ATAD1: variants seen among roughly 807,000 people sequenced by gnomAD.
ATAD1 encodes the protein outer mitochondrial transmembrane helix translocase.
ATAD1 carries 18 observed loss-of-function variants against 42.7 expected under a neutral mutation model. The observed-to-expected ratio is 0.42, with a 90% CI of 0.29 to 0.63. ATAD1 has a LOEUF of 0.63. ATAD1 is among the 20% of genes least tolerant of loss of function. The pLI is 0.19. For missense variants in ATAD1, 294 were observed against 440.4 expected, an observed-to-expected ratio of 0.67 and a Z score of 2.98; for synonymous variants, 132 against 143.1, an observed-to-expected ratio of 0.92 and a Z score of 0.55.
At chr10:87,804,342 A>G (rs1244565316) in intron 2 of ATAD1, among the ~76,000 whole-genome samples, 2 of 152,122 alleles carry the variant, frequency 1.3e-5, no homozygotes, top group African/African-American at 4.8e-5. Flanking sequence ...GATGACTACT[A>G]AACCACAATT....
Position 87,753,723 on chromosome 10 carries a change from G to A in ATAD1, c.*964C>T, listed in dbSNP as rs1222766202. On this transcript the variant is annotated 3_prime_UTR_variant, in exon 10 of 10. Coordinates refer to ENST00000680024, the MANE Select transcript of ATAD1 (RefSeq NM_001321967.2). ...GTTTTAAACTATTATTTCATTTTTG[G>A]TGACCAAATTATATTTGACCATAAT... 1 of 152,312 alleles carries A rather than the reference G, an allele frequency of 6.6e-6. No homozygotes were observed. The highest frequency in any genetic ancestry group is 1.5e-5 in the Non-Finnish European group (1 of 67,944). 9.4% of individuals were successfully genotyped at this position (152,312 alleles called of 1,614,324 possible).
intron 5 of ATAD1, among the ~76,000 whole-genome samples, chr10:87,783,577 T>C (rs949210684): frequency 2.0e-5 from 3 of 151,656 alleles, no homozygotes; most frequent in African/African-American, 2.4e-5. Flanking sequence ...AATAATAAAA[T>C]ATAATTCAAA....
chr10:87,811,973 C>T (rs1031839486), intron 2 of ATAD1, among the ~76,000 whole-genome samples: 5 of 152,152 alleles, frequency 3.3e-5, no homozygotes, highest in South Asian at 2.1e-4. Context: ...ATCTTTGGTT[C>T]GTTTTTAAGA....
chr10:87,816,341 G>A (rs1311269816), intron 1 of ATAD1, among the ~76,000 whole-genome samples: 3 of 152,136 alleles, frequency 2.0e-5, no homozygotes, highest in Admixed American at 6.5e-5. Flanking sequence ...TCCACTAGGA[G>A]CCATTCACTT....
chr10:87,793,967 G>C (rs973015589), intron 2 of ATAD1, among the ~76,000 whole-genome samples: 1 of 152,172 alleles, frequency 6.6e-6, no homozygotes, highest in African/African-American at 2.4e-5. Context: ...CCAGGAATGG[G>C]GGCTCCCAGC....
intron 2 of ATAD1, among the ~76,000 whole-genome samples, chr10:87,804,854 A>C (rs1466036351): frequency 6.6e-6 from 1 of 152,180 alleles, no homozygotes; most frequent in Non-Finnish European, 1.5e-5. Context: ...TCCAAGCAGC[A>C]GTATGTGCCC....
At chr10:87,771,083 T>C in intron 6 of ATAD1, 42 bp from the exon 7 acceptor site, 1 of 1,467,158 alleles carries the variant, frequency 6.8e-7, no homozygotes, top group Non-Finnish European at 9.5e-7. Flanking sequence ...ATCTACCAAT[T>C]ATACTCCTCT....
chr10:87,796,049 G>C (rs1856371490), intron 2 of ATAD1, among the ~76,000 whole-genome samples: 1 of 152,084 alleles, frequency 6.6e-6, no homozygotes, highest in Non-Finnish European at 1.5e-5. Flanking sequence ...CAAGGATTCT[G>C]AGTATGTAAG....
At chr10:87,807,118 CTT>C (rs1225171949) in intron 2 of ATAD1, among the ~76,000 whole-genome samples, 7 of 152,078 alleles carry the variant, frequency 4.6e-5, no homozygotes, top group East Asian at 1.9e-4. Context: ...TTGTTTTTCT[CTT>C]GTTTATCTAT....
At chr10:87,833,056 C>T (rs1178715694) in intron 1 of ATAD1, 1 of 152,206 alleles carries the variant, frequency 6.6e-6, no homozygotes, top group East Asian at 1.9e-4. Context: ...GGCTCAAGCA[C>T]TTCTCCTCCC....
rs138390660 is a variant in ATAD1 at position 87,835,112 on chromosome 10, T to C, written c.-14+6075A>G. On this transcript the variant is annotated intron_variant, in intron 1 of 4. Coordinates refer to the ATAD1 transcript ENST00000495903. ...TATTCTATTATGATTAGAGAGCATA[T>C]TTTATATGATTTCAATTCTTTTTTT... Among the ~76,000 whole-genome samples, 1,193 of 152,250 alleles carry C rather than the reference T, an allele frequency of 7.8e-3. 7 individuals carry two copies. The highest frequency in any genetic ancestry group is 8.7e-3 in the Non-Finnish European group (591 of 67,966).
At chr10:87,765,985 C>T (rs1316727027) in intron 8 of ATAD1, among the ~76,000 whole-genome samples, 1 of 151,858 alleles carries the variant, frequency 6.6e-6, no homozygotes, top group Non-Finnish European at 1.5e-5. Context: ...CTGCAGTGAG[C>T]CCTGATCACA....
At chr10:87,772,854 A>G (rs1855114427) in intron 6 of ATAD1, among the ~76,000 whole-genome samples, 1 of 152,202 alleles carries the variant, frequency 6.6e-6, no homozygotes, top group East Asian at 1.9e-4. Context: ...TATTAATTCA[A>G]TACAAATGAG....
Position 87,812,174 on chromosome 10 carries a change from CTAT to C in ATAD1, c.162+2261_162+2263del, listed in dbSNP as rs552424319. 3.7e-3 allele frequency among the ~76,000 whole-genome samples: 556 copies of C among 152,312 alleles called. 2 individuals carry two copies. Among genetic ancestry groups the C allele is most frequent in the Non-Finnish European group, 5.6e-3 (384 of 68,024 alleles). On this transcript the variant is annotated intron_variant, in intron 2 of 9. Transcript: ENST00000680024. Reference sequence around the variant, plus strand: ...TGACTCCTATTCCTTCTGCATACTACTATAAGGTGAATTATCCTTAAAACATTG... The same window carrying C: ...TGACTCCTATTCCTTCTGCATACTACAAGGTGAATTATCCTTAAAACATTG...
intron 1 of ATAD1, chr10:87,814,824 G>A (rs1008828975): frequency 6.6e-6 from 2 of 305,286 alleles, no homozygotes; most frequent in East Asian, 5.6e-5. Flanking sequence ...CAAACTAGAA[G>A]TAGACTAGAA....
chr10:87,783,087 T>C (rs988656845), intron 5 of ATAD1, among the ~76,000 whole-genome samples: 2 of 151,982 alleles, frequency 1.3e-5, no homozygotes, highest in Admixed American at 1.3e-4. Context: ...TTTTAGACAA[T>C]ATAGCTAATA....
chr10:87,822,872 G>A (rs1463704292), upstream of ATAD1, among the ~76,000 whole-genome samples: 2 of 151,744 alleles, frequency 1.3e-5, no homozygotes, highest in African/African-American at 4.8e-5. Flanking sequence ...ATAACACATT[G>A]TATGCCTGTA....
intron 6 of ATAD1, among the ~76,000 whole-genome samples, chr10:87,773,372 T>C (rs1354961384): frequency 1.3e-5 from 2 of 152,178 alleles, no homozygotes; most frequent in Non-Finnish European, 2.9e-5. Flanking sequence ...TGAGCCGTTC[T>C]CTATTTCTAT....
At chr10:87,806,635 T>C (rs1018867362) in intron 2 of ATAD1, among the ~76,000 whole-genome samples, 12 of 152,334 alleles carry the variant, frequency 7.9e-5, no homozygotes, top group South Asian at 2.1e-4. Context: ...TTCTTAGAGT[T>C]GTTGAGCATC....
Sources: gnomAD v4.1 joint callset for allele counts (sites outside exome capture counted in the v4.1 genomes callset) on GRCh38, gnomAD v4.1.1 for gene constraint, MANE v1.5 for transcripts, NCBI Gene and HGNC (gene_info 2026-07-23, HGNC 2026-07-21) for gene names.